METTL21C: variants seen among roughly 807,000 people sequenced by gnomAD.
METTL21C encodes protein-lysine methyltransferase METTL21C.
A neutral mutation model predicts 25.9 loss-of-function variants in METTL21C; 21 were observed. The ratio of observed to expected loss-of-function variants is 0.81; its 90% CI spans 0.58 to 1.17. The LOEUF (loss-of-function observed/expected upper bound fraction) is 1.17, where lower values mean the gene tolerates loss of function less well. METTL21C is among the 50% of genes most tolerant of loss of function. The pLI, the probability that METTL21C is intolerant of heterozygous loss-of-function variation, is 0.00. For missense variants in METTL21C, 312 were observed against 315.1 expected (o/e 0.99, Z 0.07); for synonymous variants, 125 against 124.7 (o/e 1.00, Z -0.01).
At chr13:102,686,526 G>T (rs1297341639) in intron 3 of METTL21C, 101 bp from the exon 4 acceptor site, 1 of 1,376,010 alleles carries the variant, frequency 7.3e-7, no homozygotes. Context: ...CTTAGCCTTG[G>T]CTCTATTGGT....
At chr13:102,691,701 G>A (rs781558889) in intron 1 of METTL21C, among the ~76,000 whole-genome samples, 7 of 152,204 alleles carry the variant, frequency 4.6e-5, no homozygotes, top group Non-Finnish European at 1.0e-4. Flanking sequence ...CGTGTTGGCT[G>A]GAGCATGTTC....
At chr13:102,696,880 C>T (rs1885955319), upstream of METTL21C, among the ~76,000 whole-genome samples, 1 of 152,154 alleles carries the variant, frequency 6.6e-6, no homozygotes, top group East Asian at 1.9e-4. Context: ...CCCAAGCAGC[C>T]ACGGGAAGAC....
At chr13:102,698,192 C>G (rs182528512), upstream of METTL21C, among the ~76,000 whole-genome samples, 649 of 152,230 alleles carry the variant, frequency 4.3e-3, 4 homozygotes, top group African/African-American at 0.015. Context: ...GTTGTTCAAA[C>G]AGAGGGTTGA....
intron 1 of METTL21C, among the ~76,000 whole-genome samples, chr13:102,694,165 C>T (rs192387959): frequency 6.6e-6 from 1 of 151,878 alleles, no homozygotes. Flanking sequence ...TAATGAAAAA[C>T]CAGGAATTAC....
At chr13:102,702,465 G>T in the METTL21C span, among the ~76,000 whole-genome samples, 1 of 152,046 alleles carries the variant, frequency 6.6e-6, no homozygotes, top group South Asian at 2.1e-4. Flanking sequence ...AGGAATAAAC[G>T]AAGTTTCATG....
the METTL21C span, among the ~76,000 whole-genome samples, chr13:102,703,079 C>G: frequency 6.6e-6 from 1 of 152,194 alleles, no homozygotes; most frequent in African/African-American, 2.4e-5. Context: ...CAAATAAATA[C>G]TCTCATTGCA....
At position 102,690,804 on chromosome 13, in the gene METTL21C, T is replaced by C; in HGVS notation, c.282+9A>G. 6.2e-7 allele frequency: 1 copy of C among 1,612,030 alleles called. No homozygotes were observed. The highest frequency in any genetic ancestry group is 1.3e-5 in the African/African-American group (1 of 74,924). ...AATCCTGACATCACAAATATGACAGTTCTCTCACCCCTGGCCACACCACCG... is the reference window on the plus strand; with the variant it reads ...AATCCTGACATCACAAATATGACAGCTCTCTCACCCCTGGCCACACCACCG... On this transcript the variant is annotated intron_variant, in intron 2 of 3. Transcript: ENST00000267273.
At position 102,690,808 on chromosome 13, in the gene METTL21C, C is replaced by G. The variant is rs753611252; in HGVS notation, c.282+5G>C. On this transcript the variant is annotated splice_donor_5th_base_variant and intron_variant, in intron 2 of 3. Transcript: ENST00000267273. ...CTGACATCACAAATATGACAGTTCT[C>G]TCACCCCTGGCCACACCACCGCTCC... The G allele has an allele frequency of 7.4e-6, 12 of 1,612,654 alleles. No individual in the cohort carries two copies. The highest frequency in any genetic ancestry group is 1.0e-5 in the Non-Finnish European group (12 of 1,179,656).
intron 1 of METTL21C, 63 bp downstream of exon 1, chr13:102,694,306 G>C (rs1337585364): frequency 2.6e-6 from 4 of 1,547,154 alleles, no homozygotes; most frequent in Non-Finnish European, 3.5e-6. Context: ...AAATTTACTT[G>C]AAGATGTCAT....
At chr13:102,702,337 T>A in the METTL21C span, among the ~76,000 whole-genome samples, 5 of 152,040 alleles carry the variant, frequency 3.3e-5, no homozygotes, top group Non-Finnish European at 5.9e-5. Context: ...GGAGGAAAAT[T>A]ACAAAGACAG....
upstream of METTL21C, among the ~76,000 whole-genome samples, chr13:102,699,223 G>T (rs79558378): frequency 0.014 from 2,148 of 152,232 alleles, 47 homozygotes; most frequent in African/African-American, 0.049. Flanking sequence ...ACTTCACAGT[G>T]GAGACCCACC....
intron 2 of METTL21C, among the ~76,000 whole-genome samples, chr13:102,690,025 C>T (rs1044451722): frequency 1.3e-5 from 2 of 152,144 alleles, no homozygotes; most frequent in East Asian, 1.9e-4. Flanking sequence ...GAGGACTGCC[C>T]CCATTTCAGC....
chr13:102,702,104 T>C, the METTL21C span, among the ~76,000 whole-genome samples: 1 of 151,378 alleles, frequency 6.6e-6, no homozygotes, highest in African/African-American at 2.4e-5. Flanking sequence ...GTGGAGGTTG[T>C]AGTGAGCTGA....
intron 1 of METTL21C, among the ~76,000 whole-genome samples, chr13:102,692,102 T>G (rs1021567812): frequency 6.6e-6 from 1 of 152,068 alleles, no homozygotes; most frequent in African/African-American, 2.4e-5. Flanking sequence ...TGGCCTGGGA[T>G]ATGACTGTAA....
chr13:102,700,474 C>T, the METTL21C span, among the ~76,000 whole-genome samples: 58 of 152,224 alleles, frequency 3.8e-4, no homozygotes, highest in African/African-American at 1.1e-3. Context: ...TAAATCACAA[C>T]GGGTAACTGC....
At chr13:102,687,808 T>G (rs147898732) in intron 2 of METTL21C, among the ~76,000 whole-genome samples, 3 of 152,216 alleles carry the variant, frequency 2.0e-5, no homozygotes, top group Non-Finnish European at 4.4e-5. Context: ...GTTTTATATA[T>G]CAACAAATAT....
intron 1 of METTL21C, among the ~76,000 whole-genome samples, chr13:102,693,070 C>A (rs768164997): frequency 6.6e-6 from 1 of 152,092 alleles, no homozygotes; most frequent in African/African-American, 2.4e-5. Context: ...ATACTCCCAC[C>A]GTGCCGTTTT....
chr13:102,691,800 A>T (rs1885836433), intron 1 of METTL21C, among the ~76,000 whole-genome samples: 1 of 152,236 alleles, frequency 6.6e-6, no homozygotes, highest in Admixed American at 6.5e-5. Flanking sequence ...AGCTCTGGCT[A>T]TTAAGTTACT....
chr13:102,696,322 C>T (rs1885946736), upstream of METTL21C, among the ~76,000 whole-genome samples: 1 of 151,790 alleles, frequency 6.6e-6, no homozygotes, highest in Non-Finnish European at 1.5e-5. Flanking sequence ...AATGAGAACA[C>T]ATGGACACAG....
Sources: allele counts gnomAD v4.1 joint callset (sites outside exome capture counted in the v4.1 genomes callset), GRCh38; gene constraint gnomAD v4.1.1; transcripts MANE v1.5; gene names NCBI Gene and HGNC (gene_info 2026-07-23, HGNC 2026-07-21).